Variants in PDE3A observed in about 807,000 individuals in gnomAD.
The protein encoded by PDE3A is cGMP-inhibited 3',5'-cyclic phosphodiesterase 3A.
A neutral mutation model predicts 98.3 loss-of-function variants in PDE3A; 43 were observed. The observed-to-expected ratio is 0.44, with a 90% CI of 0.34 to 0.56. PDE3A has a LOEUF of 0.56. Ranked by LOEUF, PDE3A falls within the 20% of genes least tolerant of loss-of-function variation. The pLI is 0.01. For synonymous variants in PDE3A, 663 were observed against 567.9 expected (o/e 1.17, Z -2.38); for missense variants, 1,427 against 1,440.7 (o/e 0.99, Z 0.15).
intron 1 of PDE3A, among the ~76,000 whole-genome samples, chr12:20,482,132 T>C (rs1945641674): frequency 6.6e-6 from 1 of 152,112 alleles, no homozygotes. Context: ...ACAAGATTAT[T>C]TCTCCCTGTT....
At chr12:20,392,000 G>C (rs1943924732) in intron 1 of PDE3A, among the ~76,000 whole-genome samples, 1 of 151,918 alleles carries the variant, frequency 6.6e-6, no homozygotes, top group Non-Finnish European at 1.5e-5. Flanking sequence ...GTGTAATTTT[G>C]TCGTATGCCT....
chr12:20,590,387 G>T (rs1469254536), intron 2 of PDE3A, among the ~76,000 whole-genome samples: 2 of 148,172 alleles, frequency 1.3e-5, no homozygotes, highest in Non-Finnish European at 3.0e-5. Context: ...GTATGAGCAA[G>T]TTCCAGACCT....
chr12:20,673,691 A>C (rs1356465682), intron 15 of PDE3A, among the ~76,000 whole-genome samples: 258 of 126,362 alleles, frequency 2.0e-3, no homozygotes, highest in Middle Eastern at 7.9e-3. Flanking sequence ...CACACTGGGG[A>C]CTGTTGTGGG....
chr12:20,678,487 T>G (rs1017792832), intron 15 of PDE3A, among the ~76,000 whole-genome samples: 2 of 152,164 alleles, frequency 1.3e-5, no homozygotes, highest in African/African-American at 2.4e-5. Context: ...AACCTTTTTT[T>G]TGTTAGAAGT....
chr12:20,433,503 A>T (rs1444349914), intron 1 of PDE3A, among the ~76,000 whole-genome samples: 1 of 152,150 alleles, frequency 6.6e-6, no homozygotes, highest in African/African-American at 2.4e-5. Context: ...ATGACTTTAA[A>T]TATATGAAAA....
At chr12:20,460,159 G>A (rs573899292) in intron 1 of PDE3A, among the ~76,000 whole-genome samples, 16 of 152,290 alleles carry the variant, frequency 1.1e-4, no homozygotes, top group African/African-American at 2.6e-4. Context: ...TCTAATCAAT[G>A]CCTCCCACTG....
At chr12:20,607,016 C>T (rs751676528) in intron 2 of PDE3A, among the ~76,000 whole-genome samples, 13 of 151,956 alleles carry the variant, frequency 8.6e-5, no homozygotes, top group Non-Finnish European at 1.0e-4. Flanking sequence ...TAACTTAGAA[C>T]CACTCTAGAT....
At chr12:20,642,109 G>A (rs1326941364) in intron 10 of PDE3A, among the ~76,000 whole-genome samples, 2 of 151,988 alleles carry the variant, frequency 1.3e-5, no homozygotes, top group East Asian at 3.9e-4. Context: ...TAAATCCTTA[G>A]TTGAAAAGAA....
intron 2 of PDE3A, among the ~76,000 whole-genome samples, chr12:20,590,559 G>A (rs1045678784): frequency 6.6e-5 from 10 of 151,068 alleles, no homozygotes; most frequent in Admixed American, 2.0e-4. Context: ...AGGATCACTT[G>A]AGCCCAGGAG....
chr12:20,677,458 TTTTTC>T (rs151131008), intron 15 of PDE3A, among the ~76,000 whole-genome samples: 77,773 of 150,964 alleles, frequency 0.52, 20,851 homozygotes, highest in East Asian at 0.72. Context: ...TTCTAATTTT[TTTTTC>T]TTTTCTTTTT....
At chr12:20,435,482 C>T (rs2059918327) in intron 1 of PDE3A, among the ~76,000 whole-genome samples, 2 of 151,914 alleles carry the variant, frequency 1.3e-5, no homozygotes, top group South Asian at 4.2e-4. Context: ...TATACAACTG[C>T]TGGAACAATA....
At chr12:20,627,653 T>C (rs1406578155) in intron 5 of PDE3A, among the ~76,000 whole-genome samples, 1 of 151,236 alleles carries the variant, frequency 6.6e-6, no homozygotes, top group Non-Finnish European at 1.5e-5. Context: ...ACTCTGTGCA[T>C]TGTTTTCTTC....
chr12:20,606,080 G>C (rs1245640234), intron 2 of PDE3A, among the ~76,000 whole-genome samples: 8 of 152,062 alleles, frequency 5.3e-5, no homozygotes, highest in Non-Finnish European at 2.9e-5. Flanking sequence ...TACACCCCAG[G>C]TGCTAGATAA....
chr12:20,534,677 A>G (rs77170275), intron 1 of PDE3A, among the ~76,000 whole-genome samples: 4,142 of 152,266 alleles, frequency 0.027, 181 homozygotes, highest in African/African-American at 0.095. Context: ...CTCAGGCTGC[A>G]ATTGAGATAT....
intron 1 of PDE3A, among the ~76,000 whole-genome samples, chr12:20,394,468 G>A (rs954592288): frequency 4.6e-5 from 7 of 152,150 alleles, no homozygotes; most frequent in South Asian, 2.1e-4. Context: ...GGCAAGAAAA[G>A]AAGTTTTGCT....
intron 1 of PDE3A, among the ~76,000 whole-genome samples, chr12:20,526,678 G>C (rs902125557): frequency 2.0e-5 from 3 of 151,738 alleles, no homozygotes; most frequent in African/African-American, 4.8e-5. Context: ...AAAGTGAATG[G>C]ATGCCAGTTT....
intron 1 of PDE3A, among the ~76,000 whole-genome samples, chr12:20,494,756 T>C (rs1945888601): frequency 1.3e-5 from 2 of 152,138 alleles, no homozygotes; most frequent in Non-Finnish European, 2.9e-5. Context: ...CACTGAAATA[T>C]TTAGGACTAT....
intron 1 of PDE3A, among the ~76,000 whole-genome samples, chr12:20,519,140 C>A (rs529002482): frequency 1.3e-5 from 2 of 152,240 alleles, no homozygotes; most frequent in Admixed American, 6.5e-5. Flanking sequence ...TGGAGGAGTT[C>A]TTTAACTTTG....
intron 1 of PDE3A, among the ~76,000 whole-genome samples, chr12:20,517,135 A>G (rs1448378617): frequency 6.6e-6 from 1 of 152,262 alleles, no homozygotes; most frequent in Non-Finnish European, 1.5e-5. Flanking sequence ...ATGCGGTTCT[A>G]GAAAATGATA....
Sources: gnomAD v4.1 joint callset for allele counts (sites outside exome capture counted in the v4.1 genomes callset) on GRCh38, gnomAD v4.1.1 for gene constraint, MANE v1.5 for transcripts, NCBI Gene and HGNC (gene_info 2026-07-23, HGNC 2026-07-21) for gene names.